The following AP3D1 variants were observed in gnomAD, a reference collection of about 807,000 sequenced individuals.
AP3D1 encodes the protein AP-3 complex subunit delta-1.
AP3D1 carries 51 observed loss-of-function variants against 147.6 expected under a neutral mutation model. The ratio of observed to expected loss-of-function variants is 0.35; its 90% CI spans 0.28 to 0.44. The LOEUF (loss-of-function observed/expected upper bound fraction) is 0.44, where lower values mean the gene tolerates loss of function less well. Among genes scored for constraint, AP3D1 ranks in the 20% least tolerant of loss-of-function variants. The probability of loss-of-function intolerance (pLI) is 1.00; values close to 1 mark genes in which losing one functional copy is unlikely to be tolerated. For synonymous variants in AP3D1, 760 were observed against 663.0 expected (o/e 1.15, Z -2.25); for missense variants, 1,421 against 1,624.2 (o/e 0.87, Z 2.15).
intron 9 of AP3D1, among the ~76,000 whole-genome samples, chr19:2,125,097 G>A (rs1268415599): frequency 2.0e-5 from 3 of 152,144 alleles, no homozygotes; most frequent in Non-Finnish European, 4.4e-5. Flanking sequence ...ACTGATCCCT[G>A]TAACCAAATA....
chr19:2,110,946 A>G (rs774528663), intron 26 of AP3D1, 50 bp from the exon 27 acceptor site: 1 of 1,576,996 alleles, frequency 6.3e-7, no homozygotes, highest in Non-Finnish European at 8.7e-7. Flanking sequence ...GCCACAGGGA[A>G]CAGGCACAGC....
chr19:2,138,828 G>A (rs544662539), intron 1 of AP3D1, 114 bp from the exon 2 acceptor site: 168 of 711,406 alleles, frequency 2.4e-4, no homozygotes, highest in East Asian at 9.8e-4. Flanking sequence ...TTGGGAGGCC[G>A]AGGCAGGCAG....
intron 9 of AP3D1, among the ~76,000 whole-genome samples, chr19:2,126,652 CAAA>C (rs58063456): frequency 1.3e-4 from 8 of 59,616 alleles, no homozygotes; most frequent in Admixed American, 3.7e-4. Flanking sequence ...GACTCTGCCT[CAAA>C]AAAAAAAAAA....
rs754461370 is a variant in AP3D1, at chr19:2,121,741, T to C, written c.1094A>G (p.Tyr365Cys). The change falls in exon 12 of 32, where the codon TAT (tyrosine) becomes TGT (cysteine). Residue 365 changes from tyrosine (Y) to cysteine (C), a missense_variant. Around this residue, in one of 6 missense-constraint regions of AP3D1, gnomAD observed 310 missense variants for 388.1 expected, o/e 0.80. Coordinates refer to ENST00000643116, the MANE Select transcript of AP3D1 (RefSeq NM_001261826.3). ...CGGACAGAGGGCACGCACCATCCCA[T>C]AGAGCAGGTCCAGGGCCCGCAGCCG... ...SIRLRALDLL[Y>C]GMVSKKNLME... 9.4e-6 allele frequency: 15 copies of C among 1,600,968 alleles called. No homozygotes were observed. Among genetic ancestry groups the C allele is most frequent in the Non-Finnish European group, 1.3e-5 (15 of 1,174,708 alleles).
At chr19:2,157,856 G>A (rs1296489906) in intron 1 of AP3D1, among the ~76,000 whole-genome samples, 2 of 152,196 alleles carry the variant, frequency 1.3e-5, no homozygotes, top group African/African-American at 4.8e-5. Context: ...CAGATGTCAG[G>A]ACAAATGGAA....
rs548354301 is a variant in AP3D1, at chr19:2,134,354, G to C, written c.355-1776C>G. Among the ~76,000 whole-genome samples the C allele has an allele frequency of 5.3e-5, 8 of 152,014 alleles. No individual in the cohort carries two copies. The South Asian group carries it at 1.7e-3, about 32-fold the overall frequency. ...GGAGATCGCTTGAGCCTAGGAGGTC[G>C]AGGCTGCAGTGAGCTGCAATTGCGC... On this transcript the variant is annotated intron_variant, in intron 4 of 31. Coordinates refer to ENST00000643116, the MANE Select transcript of AP3D1 (RefSeq NM_001261826.3).
intron 31 of AP3D1, among the ~76,000 whole-genome samples, chr19:2,106,564 A>G (rs1428933483): frequency 1.3e-5 from 2 of 152,128 alleles, no homozygotes; most frequent in South Asian, 4.1e-4. Flanking sequence ...AAAAAATAAA[A>G]AAAAACAAAA....
chr19:2,107,509 G>A (rs1461529608), intron 31 of AP3D1, among the ~76,000 whole-genome samples: 2 of 151,776 alleles, frequency 1.3e-5, no homozygotes, highest in African/African-American at 4.8e-5. Flanking sequence ...GGGAGGCCGA[G>A]GCGGGCAGAT....
At chr19:2,124,113 G>A (rs191355420) in intron 9 of AP3D1, among the ~76,000 whole-genome samples, 13 of 152,324 alleles carry the variant, frequency 8.5e-5, no homozygotes, top group Admixed American at 3.3e-4. Flanking sequence ...AGGATGGCTC[G>A]GGGCCTCAGC....
rs375296245 is a variant in AP3D1, at chr19:2,123,869, C to T, written c.867G>A (p.Ser289=). The T allele has an allele frequency of 3.3e-5, 52 of 1,577,338 alleles. No homozygotes were observed. Among genetic ancestry groups the T allele is most frequent in the East Asian group, 1.2e-4 (5 of 42,448 alleles). ...TGTGGTTGGGCATGCCGGAGGACAG[C>T]GAGATGAGCACTGCAACAGACAGCT... is the stretch of plus-strand genomic sequence containing the variant. ...CVNTVIAVLI[S]LSSGMPNHSA... is the part of the protein sequence containing the mutation. Residue 289 remains serine (S), a synonymous_variant, in exon 10 of 32, where the codon TCG becomes TCA. Coordinates refer to ENST00000643116, the MANE Select transcript of AP3D1 (RefSeq NM_001261826.3).
At chr19:2,164,251 C>T (rs868267597) in intron 1 of AP3D1, 4 of 1,282,352 alleles carry the variant, frequency 3.1e-6, no homozygotes, top group Non-Finnish European at 3.0e-6. Context: ...CTACCCGTGG[C>T]CGCTGCCGGT....
chr19:2,108,065 G>A (rs749978704), intron 31 of AP3D1, among the ~76,000 whole-genome samples: 2 of 152,136 alleles, frequency 1.3e-5, no homozygotes, highest in Non-Finnish European at 2.9e-5. Flanking sequence ...GGTGAATTCT[G>A]TATACACATT....
At chr19:2,145,912 A>G (rs544788103) in intron 1 of AP3D1, among the ~76,000 whole-genome samples, 5 of 152,376 alleles carry the variant, frequency 3.3e-5, no homozygotes, top group Non-Finnish European at 7.3e-5. Flanking sequence ...AACCGCACTC[A>G]TAAGCAGGGC....
At chr19:2,120,741 A>C in intron 14 of AP3D1, 121 bp downstream of exon 14, 1 of 994,224 alleles carries the variant, frequency 1.0e-6, no homozygotes, top group Non-Finnish European at 1.5e-6. Flanking sequence ...ACGGACCTGC[A>C]AGACGGCCGG....
intron 1 of AP3D1, chr19:2,164,205 G>C: frequency 1.6e-6 from 2 of 1,277,100 alleles, no homozygotes; most frequent in East Asian, 3.0e-5. Context: ...AGCTGGAGCT[G>C]AGACTGAAGT....
intron 19 of AP3D1, 60 bp from the exon 20 acceptor site, chr19:2,115,478 G>C: frequency 1.2e-6 from 2 of 1,608,426 alleles, no homozygotes; most frequent in Admixed American, 3.3e-5. Context: ...CGGGGAGGGC[G>C]GCGGGAGCAC....
chr19:2,111,196 G>A (rs1044813841), intron 26 of AP3D1, 89 bp downstream of exon 26: 1 of 1,511,606 alleles, frequency 6.6e-7, no homozygotes, highest in Non-Finnish European at 9.1e-7. Flanking sequence ...CAACATCCGG[G>A]AGCTGTGGGG....
rs200966141 is a variant in AP3D1 at position 2,115,291 on chromosome 19, C to A, written c.2277G>T (p.Ser759=). 6 of 1,613,238 alleles carry A rather than the reference C, an allele frequency of 3.7e-6. No homozygotes were observed. Among genetic ancestry groups the A allele is most frequent in the South Asian group, 1.1e-5 (1 of 91,088 alleles). Residue 759 remains serine, a synonymous_variant, in exon 20 of 32, where the codon TCG becomes TCT. Transcript: ENST00000643116. ...TGTCCTCGTCGCTCTCCGTGGGCAG[C>A]GAGCTGTGGCGGCGCTTGCCCTTCT... ...KEKKGKRRHS[S]LPTESDEDIA...
intron 20 of AP3D1, 85 bp from the exon 21 acceptor site, chr19:2,114,906 C>A: frequency 7.0e-7 from 1 of 1,419,210 alleles, no homozygotes; most frequent in Non-Finnish European, 9.9e-7. Flanking sequence ...AGTGGGACTG[C>A]CCATGCGGGC....
Sources: allele counts gnomAD v4.1 joint callset (sites outside exome capture counted in the v4.1 genomes callset), GRCh38; gene constraint gnomAD v4.1.1; regional missense constraint gnomAD v4.1.1; transcripts MANE v1.5; gene names NCBI Gene and HGNC (gene_info 2026-07-23, HGNC 2026-07-21).